The following PPARGC1A variants were observed in gnomAD, a reference collection of about 807,000 sequenced individuals.
PPARGC1A encodes the protein peroxisome proliferator-activated receptor gamma coactivator 1-alpha.
A neutral mutation model predicts 88.7 loss-of-function variants in PPARGC1A; 25 were observed. That is an observed-to-expected ratio of 0.28 (90% CI 0.21 to 0.39). The LOEUF is 0.39. Among genes scored for constraint, PPARGC1A ranks in the 10% least tolerant of loss-of-function variants. The pLI, the probability that PPARGC1A is intolerant of heterozygous loss-of-function variation, is 1.00. For missense variants in PPARGC1A, 880 were observed against 968.7 expected, an observed-to-expected ratio of 0.91 and a Z score of 1.22; for synonymous variants, 363 against 355.6, an observed-to-expected ratio of 1.02 and a Z score of -0.24.
the PPARGC1A span, among the ~76,000 whole-genome samples, chr4:24,394,453 G>A: frequency 2.5e-4 from 38 of 152,316 alleles, no homozygotes; most frequent in South Asian, 2.1e-4. Context: ...CACTTGAGGT[G>A]CTAAGAAGTC....
the PPARGC1A span, among the ~76,000 whole-genome samples, chr4:23,911,574 T>C: frequency 1.3e-5 from 2 of 152,222 alleles, no homozygotes; most frequent in Non-Finnish European, 2.9e-5. Flanking sequence ...CTCTTAAATG[T>C]TGATAAACTG....
intron 3 of PPARGC1A, 133 bp from the exon 4 acceptor site, chr4:23,829,718 C>A: frequency 1.1e-6 from 1 of 870,778 alleles, no homozygotes; most frequent in African/African-American, 1.7e-5. Context: ...ATTTATGTCA[C>A]ACCTTAGCGC....
chr4:24,100,518 G>T, the PPARGC1A span, among the ~76,000 whole-genome samples: 1 of 152,160 alleles, frequency 6.6e-6, no homozygotes, highest in Non-Finnish European at 1.5e-5. Context: ...CCACTTAATA[G>T]TTCAGAAAAA....
chr4:23,816,001 T>C (rs1222987630), intron 7 of PPARGC1A, among the ~76,000 whole-genome samples: 1 of 152,180 alleles, frequency 6.6e-6, no homozygotes, highest in East Asian at 1.9e-4. Flanking sequence ...TGCCTCACTC[T>C]CCTACTTTAT....
At chr4:24,240,909 T>C in the PPARGC1A span, among the ~76,000 whole-genome samples, 2 of 152,104 alleles carry the variant, frequency 1.3e-5, no homozygotes, top group Non-Finnish European at 1.5e-5. Context: ...TCTGAGATCA[T>C]TGGTGGCATG....
At chr4:24,372,503 CAG>C in the PPARGC1A span, among the ~76,000 whole-genome samples, 4 of 152,216 alleles carry the variant, frequency 2.6e-5, no homozygotes, top group African/African-American at 7.2e-5. Context: ...AATGCTAACT[CAG>C]GGGCTGGTGG....
chr4:23,806,730 G>T (rs1350668392), intron 10 of PPARGC1A, among the ~76,000 whole-genome samples: 1 of 152,156 alleles, frequency 6.6e-6, no homozygotes, highest in Non-Finnish European at 1.5e-5. Flanking sequence ...GAAACTGACT[G>T]AATTAACTGA....
chr4:24,080,313 GA>G, the PPARGC1A span, among the ~76,000 whole-genome samples: 1 of 151,744 alleles, frequency 6.6e-6, no homozygotes, highest in Admixed American at 6.6e-5. Context: ...GTACTATTTT[GA>G]ATAATTTTTA....
chr4:23,989,597 A>G, the PPARGC1A span, among the ~76,000 whole-genome samples: 1 of 152,088 alleles, frequency 6.6e-6, no homozygotes, highest in African/African-American at 2.4e-5. Flanking sequence ...CACAAGCTCC[A>G]TTAGAACAGG....
At chr4:24,430,240 C>T in the PPARGC1A span, among the ~76,000 whole-genome samples, 14 of 150,392 alleles carry the variant, frequency 9.3e-5, no homozygotes, top group Admixed American at 6.0e-4. Context: ...AAATTCACCC[C>T]GATATTTTGT....
At chr4:23,941,668 T>A in the PPARGC1A span, among the ~76,000 whole-genome samples, 1 of 152,166 alleles carries the variant, frequency 6.6e-6, no homozygotes. Flanking sequence ...GGAATTCTGA[T>A]GTGAGATCGT....
chr4:23,834,250 A>G (rs1337795950), intron 2 of PPARGC1A, among the ~76,000 whole-genome samples: 2 of 152,184 alleles, frequency 1.3e-5, no homozygotes, highest in African/African-American at 2.4e-5. Flanking sequence ...CAGTGAGTCA[A>G]GATCTTGCCA....
At chr4:24,096,728 C>A in the PPARGC1A span, among the ~76,000 whole-genome samples, 1 of 152,034 alleles carries the variant, frequency 6.6e-6, no homozygotes, top group African/African-American at 2.4e-5. Flanking sequence ...CAAATTGATG[C>A]CAAAAAGTAA....
At chr4:24,268,143 C>A in the PPARGC1A span, among the ~76,000 whole-genome samples, 1 of 152,178 alleles carries the variant, frequency 6.6e-6, no homozygotes, top group Non-Finnish European at 1.5e-5. Flanking sequence ...TGTCATGGAT[C>A]TTACATTTGT....
At chr4:24,032,957 A>T in the PPARGC1A span, among the ~76,000 whole-genome samples, 31,313 of 152,242 alleles carry the variant, frequency 0.21, 3,392 homozygotes, top group South Asian at 0.26. Context: ...CACAAGATAT[A>T]TCTTTATTTT....
At chr4:24,030,913 A>AAGAT in the PPARGC1A span, among the ~76,000 whole-genome samples, 2 of 152,198 alleles carry the variant, frequency 1.3e-5, no homozygotes, top group East Asian at 3.9e-4. Context: ...GGCACTAAGT[A>AAGAT]AGATATTCAG....
chr4:24,436,031 T>C, the PPARGC1A span, among the ~76,000 whole-genome samples: 1 of 152,184 alleles, frequency 6.6e-6, no homozygotes, highest in East Asian at 1.9e-4. Context: ...CCCAACTCTA[T>C]ACACATGAGC....
chr4:24,232,928 A>T, the PPARGC1A span, among the ~76,000 whole-genome samples: 1 of 152,180 alleles, frequency 6.6e-6, no homozygotes, highest in Admixed American at 6.5e-5. Context: ...GCAAATCGTG[A>T]AGGAAAGGGG....
the PPARGC1A span, among the ~76,000 whole-genome samples, chr4:24,105,054 G>T: frequency 1.3e-5 from 2 of 152,136 alleles, no homozygotes; most frequent in East Asian, 1.9e-4. Flanking sequence ...TCAATGAATG[G>T]GTGTAACTCA....
Sources: allele counts gnomAD v4.1 joint callset (sites outside exome capture counted in the v4.1 genomes callset), GRCh38; gene constraint gnomAD v4.1.1; transcripts MANE v1.5; gene names NCBI Gene and HGNC (gene_info 2026-07-23, HGNC 2026-07-21).